UPB1: variants seen among roughly 807,000 people sequenced by gnomAD.
The protein encoded by UPB1 is beta-ureidopropionase.
UPB1 carries 40 observed loss-of-function variants against 49.1 expected under a neutral mutation model. The ratio of observed to expected loss-of-function variants is 0.81; its 90% confidence interval spans 0.63 to 1.06. The LOEUF is 1.06. UPB1 is among the 50% of genes least tolerant of loss of function. The probability of loss-of-function intolerance (pLI) is 0.00; values close to 1 mark genes in which losing one functional copy is unlikely to be tolerated. For synonymous variants in UPB1, 207 were observed against 198.2 expected, an observed-to-expected ratio of 1.04 and a Z score of -0.38; for missense variants, 499 against 505.9, an observed-to-expected ratio of 0.99 and a Z score of 0.13.
chr22:24,521,838 G>A lies in UPB1; in HGVS notation c.874-148G>A, dbSNP rs146479123. 1.1e-3 allele frequency: 852 copies of A among 803,628 alleles called. 6 individuals are homozygous for A. In the African/African-American group the frequency reaches 0.013, roughly 12 times the overall value. The allele number at this position is 803,628 out of a possible 1,614,324, so 49.8% of individuals were successfully genotyped here. On this transcript the variant is annotated intron_variant, in intron 7 of 9. Coordinates refer to ENST00000326010, the MANE Select transcript of UPB1 (RefSeq NM_016327.3). The stretch of plus-strand genomic sequence containing the variant: ...TTTAATAAGCACTTAATTGCCCGGT[G>A]AGTACAGACCATTCCAGCTCACCTT...
At chr22:24,508,375 A>G (rs1413510740) in intron 3 of UPB1, among the ~76,000 whole-genome samples, 4 of 152,162 alleles carry the variant, frequency 2.6e-5, no homozygotes, top group Non-Finnish European at 5.9e-5. Context: ...CCTGGCCAAC[A>G]TGGTGAAACC....
At chr22:24,510,702 G>C in intron 3 of UPB1, 47 bp from the exon 4 acceptor site, 1 of 1,594,446 alleles carries the variant, frequency 6.3e-7, no homozygotes, top group South Asian at 1.1e-5. Flanking sequence ...GCCCCCCTCA[G>C]AGGCTGTGCA....
intron 9 of UPB1, among the ~76,000 whole-genome samples, chr22:24,525,010 G>A (rs891923429): frequency 1.3e-5 from 2 of 152,064 alleles, no homozygotes; most frequent in African/African-American, 4.8e-5. Flanking sequence ...TCCTCTTCCT[G>A]GGCAACTAGG....
chr22:24,499,524 G>A (rs1442162958), intron 1 of UPB1, among the ~76,000 whole-genome samples: 1 of 152,094 alleles, frequency 6.6e-6, no homozygotes, highest in African/African-American at 2.4e-5. Context: ...GAACACCTGG[G>A]CCCCTCCAAG....
At position 24,520,468 on chromosome 22, in the gene UPB1, C is replaced by T. The variant is rs745312176; in HGVS notation, c.873C>T (p.Thr291=). The T allele has an allele frequency of 3.7e-6, 6 of 1,613,646 alleles. No individual in the cohort carries two copies. Among genetic ancestry groups the T allele is most frequent in the Non-Finnish European group, 5.1e-6 (6 of 1,179,928 alleles). Residue 291 remains threonine, a splice_region_variant and synonymous_variant, in exon 7 of 10, where the codon ACC becomes ACT. Transcript: ENST00000326010. ...CCTGCGCCATCAATCGAGTGGGCAC[C>T]GTAAGTCCCGAGGTCTGGCTGGGGA... ...CFTCAINRVG[T]EHFPNEFTSG...
intron 1 of UPB1, among the ~76,000 whole-genome samples, chr22:24,498,224 G>A (rs1198158371): frequency 6.6e-6 from 1 of 152,172 alleles, no homozygotes; most frequent in Non-Finnish European, 1.5e-5. Context: ...CTCTGAAAGA[G>A]CCCTATCACA....
intron 7 of UPB1, among the ~76,000 whole-genome samples, chr22:24,521,748 A>C (rs1167513476): frequency 6.6e-6 from 1 of 152,150 alleles, no homozygotes; most frequent in Middle Eastern, 3.2e-3. Flanking sequence ...CAAAGGCACC[A>C]TCCAGGTTTT....
At position 24,527,534 on chromosome 22, in the gene UPB1, T is replaced by TTA. The variant is rs1156311610; in HGVS notation, c.*1740_*1741insTA. On this transcript the variant is annotated 3_prime_UTR_variant, in exon 10 of 10. Coordinates refer to ENST00000326010, the MANE Select transcript of UPB1 (RefSeq NM_016327.3). ...AGTCTCAAATAGCAGTTAACCAGAG[T>TTA]ATCGGGTTGGAGGTGGGGTTGAGAT... 2.0e-5 allele frequency: 3 copies of TTA among 151,848 alleles called. No individual in the cohort carries two copies. In the East Asian group the frequency reaches 5.8e-4, roughly 29 times the overall value. The allele number at this position is 151,848 out of a possible 1,614,324, so 9.4% of individuals were successfully genotyped here.
In UPB1 at chr22:24,528,187, A is replaced by C. The variant is rs1189959081; in HGVS notation, c.*2393A>C. 1.3e-5 allele frequency: 2 copies of C among 152,242 alleles called. No individual in the cohort carries two copies. The highest frequency in any genetic ancestry group is 4.1e-4 in the South Asian group (2 of 4,826). 9.4% of individuals were successfully genotyped at this position (152,242 alleles called of 1,614,324 possible). On this transcript the variant is annotated 3_prime_UTR_variant, in exon 10 of 10. Transcript: ENST00000326010. ...GAGGGTGTAATCAACCTAATACAGA[A>C]GCCAGCTTAGGTGACAAATTGGTAC...
chr22:24,518,816 A>G (rs752137321), intron 6 of UPB1, among the ~76,000 whole-genome samples: 1 of 152,206 alleles, frequency 6.6e-6, no homozygotes, highest in Non-Finnish European at 1.5e-5. Context: ...GCAAGTCACC[A>G]TCCTATCCTC....
chr22:24,524,736 C>T (rs777295599), intron 9 of UPB1, among the ~76,000 whole-genome samples: 15 of 152,326 alleles, frequency 9.8e-5, no homozygotes, highest in Non-Finnish European at 2.2e-4. Context: ...GCAATCCTCG[C>T]ACCTCGGGCT....
intron 1 of UPB1, among the ~76,000 whole-genome samples, chr22:24,498,327 C>T (rs995119495): frequency 1.3e-5 from 2 of 152,222 alleles, no homozygotes; most frequent in African/African-American, 2.4e-5. Flanking sequence ...CCAGGCCTTT[C>T]GGTGGGCACA....
chr22:24,507,526 T>TA (rs1279665390), intron 3 of UPB1, among the ~76,000 whole-genome samples: 1 of 152,126 alleles, frequency 6.6e-6, no homozygotes, highest in Non-Finnish European at 1.5e-5. Flanking sequence ...ATCTGCCTAT[T>TA]ACGAAGATAG....
At position 24,502,644 on chromosome 22, in the gene UPB1, T is replaced by A; in HGVS notation, c.364+431T>A. The stretch of plus-strand genomic sequence containing the variant: ...TTTTTATCAGAGTTTTACATGCTCA[T>A]GGTTTAGAGTCAGATGGGTGTACAA... On this transcript the variant is annotated intron_variant, in intron 3 of 9. Transcript: ENST00000326010. The A allele has an allele frequency of 6.0e-6, 4 of 661,578 alleles. No homozygotes were observed. In the South Asian group the frequency reaches 7.2e-5, roughly 12 times the overall value. The allele number at this position is 661,578 out of a possible 1,614,324, so 41.0% of individuals were successfully genotyped here. A position where few individuals can be genotyped will look rare whatever the true frequency, so the allele number is the denominator to read the frequency against.
intron 4 of UPB1, among the ~76,000 whole-genome samples, chr22:24,512,136 G>GAA (rs140329): frequency 2.7e-5 from 4 of 147,386 alleles, no homozygotes; most frequent in South Asian, 4.2e-4. Context: ...GGCTGTAGGG[G>GAA]AAAAAAAAAA....
chr22:24,524,287 C>G (rs1023464389), intron 9 of UPB1, among the ~76,000 whole-genome samples: 1 of 152,174 alleles, frequency 6.6e-6, no homozygotes, highest in Non-Finnish European at 1.5e-5. Context: ...TTAGTACTCC[C>G]AGTTGTAAAA....
chr22:24,495,969 C>T (rs932644655), intron 1 of UPB1, among the ~76,000 whole-genome samples: 2 of 152,172 alleles, frequency 1.3e-5, no homozygotes, highest in Admixed American at 6.5e-5. Flanking sequence ...GGCGAGGGAA[C>T]CTTTCCCACT....
chr22:24,505,834 TCCTGAGTAGCTGGGA>T (rs2044079969), intron 3 of UPB1, among the ~76,000 whole-genome samples: 1 of 151,518 alleles, frequency 6.6e-6, no homozygotes, highest in Non-Finnish European at 1.5e-5. Context: ...TGCCTCAGCC[TCCTGAGTAGCTGGGA>T]CTACAGGCCC....
chr22:24,509,192 AC>A (rs1307838272), intron 3 of UPB1, among the ~76,000 whole-genome samples: 2 of 152,116 alleles, frequency 1.3e-5, no homozygotes, highest in Non-Finnish European at 2.9e-5. Context: ...GCAGATATTC[AC>A]GTGTGGCTGG....
Sources: gnomAD v4.1 joint callset for allele counts (sites outside exome capture counted in the v4.1 genomes callset) on GRCh38, gnomAD v4.1.1 for gene constraint, MANE v1.5 for transcripts, NCBI Gene and HGNC (gene_info 2026-07-23, HGNC 2026-07-21) for gene names.